The following CCDC30 variants were observed in gnomAD, a reference collection of about 807,000 sequenced individuals.
CCDC30 encodes coiled-coil domain containing 30.
In CCDC30, 70 loss-of-function variants were observed where a neutral mutation model predicts 100.2. The ratio of observed to expected loss-of-function variants is 0.70; its 90% CI spans 0.58 to 0.85. CCDC30 has a LOEUF of 0.85. Ranked by LOEUF, CCDC30 falls within the 40% of genes least tolerant of loss-of-function variation. The pLI is 0.00. For synonymous variants in CCDC30, 233 were observed against 269.5 expected (o/e 0.86, Z 1.33); for missense variants, 652 against 771.2 (o/e 0.85, Z 1.83).
At chr1:42,539,095 A>G (rs931243898) in intron 6 of CCDC30, 78 bp from the exon 8 acceptor site, 10 of 1,196,254 alleles carry the variant, frequency 8.4e-6, no homozygotes, top group Non-Finnish European at 1.1e-5. Flanking sequence ...TTCAAGATTC[A>G]TTCTTAAAAA....
chr1:42,507,866 A>G (rs1288670196), intron 6 of CCDC30, among the ~76,000 whole-genome samples: 1 of 149,836 alleles, frequency 6.7e-6, no homozygotes, highest in Non-Finnish European at 1.5e-5. Flanking sequence ...GTTTATATTG[A>G]TAACACTTGT....
chr1:42,473,283 C>T, intron 1 of CCDC30: 2 of 1,231,154 alleles, frequency 1.6e-6, no homozygotes, highest in Non-Finnish European at 2.0e-6. Context: ...TATAGTGAAG[C>T]ACATGGGTGA....
intron 9 of CCDC30, among the ~76,000 whole-genome samples, chr1:42,581,854 A>T (rs559889894): frequency 2.6e-5 from 4 of 152,292 alleles, no homozygotes; most frequent in Admixed American, 2.6e-4. Flanking sequence ...CAAAATTCAA[A>T]CTACAATGAA....
At chr1:42,593,681 C>T (rs1425533641) in intron 10 of CCDC30, 1 of 152,364 alleles carries the variant, frequency 6.6e-6, no homozygotes, top group Non-Finnish European at 1.5e-5. Flanking sequence ...TCAGTCTTCT[C>T]ATTAGTTTAC....
intron 6 of CCDC30, 61 bp from the exon 10 acceptor site, chr1:42,556,095 T>TA: frequency 6.6e-7 from 1 of 1,510,350 alleles, no homozygotes; most frequent in Admixed American, 2.1e-5. Flanking sequence ...TAGCTTTTTT[T>TA]TCCCGATTCT....
intron 11 of CCDC30, 36 bp downstream of exon 15, chr1:42,611,126 T>C: frequency 1.6e-6 from 2 of 1,258,016 alleles, no homozygotes; most frequent in Non-Finnish European, 2.3e-6. Flanking sequence ...AAGAAAACTA[T>C]GTAGAGTAGT....
chr1:42,557,536 A>G (rs1645394052), intron 6 of CCDC30, among the ~76,000 whole-genome samples: 1 of 151,886 alleles, frequency 6.6e-6, no homozygotes, highest in African/African-American at 2.4e-5. Context: ...ATAGGAATGA[A>G]CTTGCCATTG....
chr1:42,468,772 T>C (rs1387138968), intron 1 of CCDC30: 1 of 152,206 alleles, frequency 6.6e-6, no homozygotes, highest in East Asian at 1.9e-4. Context: ...TTAAAGAAGT[T>C]ACCTGACTTG....
At chr1:42,480,591 T>C in intron 2 of CCDC30, 25 bp downstream of exon 2, 3 of 984,924 alleles carry the variant, frequency 3.0e-6, no homozygotes, top group Non-Finnish European at 3.6e-6. Context: ...CCAGGCAAAA[T>C]GACATTTTTG....
chr1:42,520,634 CTTTTTTTTTT>C (rs1181298704), intron 6 of CCDC30, among the ~76,000 whole-genome samples: 17 of 64,774 alleles, frequency 2.6e-4, no homozygotes, highest in South Asian at 7.2e-4. Context: ...CCGGCCTCAT[CTTTTTTTTTT>C]TTTTTTTTTT....
chr1:42,461,850 G>A (rs560400489), upstream of CCDC30, among the ~76,000 whole-genome samples: 1 of 152,224 alleles, frequency 6.6e-6, no homozygotes, highest in East Asian at 1.9e-4. Flanking sequence ...CAGCCACCCA[G>A]GCTCCTTTGA....
chr1:42,509,207 T>TA (rs1220995790), intron 6 of CCDC30, among the ~76,000 whole-genome samples: 1 of 152,290 alleles, frequency 6.6e-6, no homozygotes, highest in Admixed American at 6.5e-5. Context: ...TCCCCATCCC[T>TA]AGACATAGGC....
intron 6 of CCDC30, among the ~76,000 whole-genome samples, chr1:42,511,471 G>A (rs1644476665): frequency 6.6e-6 from 1 of 152,066 alleles, no homozygotes; most frequent in South Asian, 2.1e-4. Flanking sequence ...TTAACTTCTG[G>A]ACCTAAAATT....
chr1:42,597,695 G>A (rs1220250441), intron 10 of CCDC30, among the ~76,000 whole-genome samples: 1 of 152,014 alleles, frequency 6.6e-6, no homozygotes, highest in Non-Finnish European at 1.5e-5. Context: ...CCAGCTGAGT[G>A]GCCCTAGAGT....
At chr1:42,529,849 T>C (rs1644780500) in intron 6 of CCDC30, 1 of 152,250 alleles carries the variant, frequency 6.6e-6, no homozygotes, top group African/African-American at 2.4e-5. Context: ...TTCCCTCTTA[T>C]TTTCAGTTTC....
intron 12 of CCDC30, among the ~76,000 whole-genome samples, chr1:42,642,246 AAT>A (rs370118861): frequency 5.1e-4 from 75 of 148,418 alleles, no homozygotes; most frequent in Middle Eastern, 3.5e-3. Flanking sequence ...CAAACAAAAA[AAT>A]ATATATATAT....
At chr1:42,643,421 C>T (rs1173797908) in intron 13 of CCDC30, among the ~76,000 whole-genome samples, 1 of 152,182 alleles carries the variant, frequency 6.6e-6, no homozygotes, top group Non-Finnish European at 1.5e-5. Context: ...TTTGGGCACA[C>T]GTCTCTGGGC....
chr1:42,501,909 C>T (rs989845750), intron 6 of CCDC30, among the ~76,000 whole-genome samples: 31 of 152,148 alleles, frequency 2.0e-4, no homozygotes, highest in Non-Finnish European at 3.5e-4. Context: ...GTCAGGGACC[C>T]AATTGAGGAG....
At chr1:42,491,974 T>C (rs1644150510) in intron 4 of CCDC30, 2 of 892,610 alleles carry the variant, frequency 2.2e-6, no homozygotes, top group East Asian at 2.7e-5. Flanking sequence ...AATGATGAAG[T>C]TGCATTTAGA....
Sources: gnomAD v4.1 joint callset for allele counts (sites outside exome capture counted in the v4.1 genomes callset) on GRCh38, gnomAD v4.1.1 for gene constraint, MANE v1.5 for transcripts, NCBI Gene and HGNC (gene_info 2026-07-23, HGNC 2026-07-21) for gene names.